The following ADAMTSL1 variants were observed in gnomAD, a reference collection of about 807,000 sequenced individuals.
ADAMTSL1 encodes the protein ADAMTS like 1, also known as ADAMTS-like protein 1.
A neutral mutation model predicts 201.8 loss-of-function variants in ADAMTSL1; 126 were observed. The observed-to-expected ratio is 0.62, with a 90% CI of 0.54 to 0.72. The LOEUF (loss-of-function observed/expected upper bound fraction) is 0.72, where lower values mean the gene tolerates loss of function less well. Ranked by LOEUF, ADAMTSL1 falls within the 30% of genes least tolerant of loss-of-function variation. ADAMTSL1 has a pLI of 0.00. For missense variants in ADAMTSL1, 2,679 were observed against 2,277.8 expected (o/e 1.18, Z -3.59); for synonymous variants, 1,121 against 903.4 (o/e 1.24, Z -4.32).
chr9:18,110,445 C>T (rs750627833), intron 1 of ADAMTSL1, among the ~76,000 whole-genome samples: 62 of 152,256 alleles, frequency 4.1e-4, no homozygotes, highest in Non-Finnish European at 6.9e-4. Flanking sequence ...CTGAAATTAG[C>T]ATTCTCATTC....
intron 2 of ADAMTSL1, among the ~76,000 whole-genome samples, chr9:18,236,752 C>T (rs1330035578): frequency 6.6e-6 from 1 of 152,240 alleles, no homozygotes; most frequent in Non-Finnish European, 1.5e-5. Flanking sequence ...GAAAAATACA[C>T]ATCCCATTAT....
At chr9:18,468,038 A>G (rs753997443) in intron 2 of ADAMTSL1, among the ~76,000 whole-genome samples, 7 of 152,188 alleles carry the variant, frequency 4.6e-5, no homozygotes, top group Non-Finnish European at 8.8e-5. Context: ...GAATATTACA[A>G]CCATAATTCA....
At chr9:18,147,988 G>C (rs1319984829) in intron 1 of ADAMTSL1, among the ~76,000 whole-genome samples, 1 of 152,008 alleles carries the variant, frequency 6.6e-6, no homozygotes, top group African/African-American at 2.4e-5. Flanking sequence ...GGAAAAAAGA[G>C]ACCATATTTA....
intron 2 of ADAMTSL1, among the ~76,000 whole-genome samples, chr9:18,175,857 A>G (rs1486901409): frequency 6.6e-6 from 1 of 151,928 alleles, no homozygotes; most frequent in East Asian, 1.9e-4. Context: ...AGAATCCTTG[A>G]CTCAGGCTGA....
chr9:18,614,810 C>A (rs1825598713), intron 4 of ADAMTSL1, among the ~76,000 whole-genome samples: 1 of 152,172 alleles, frequency 6.6e-6, no homozygotes, highest in Non-Finnish European at 1.5e-5. Flanking sequence ...TCATGTGTTA[C>A]TCCTCCCAAG....
intron 2 of ADAMTSL1, among the ~76,000 whole-genome samples, chr9:18,421,028 G>C (rs535054616): frequency 1.1e-4 from 16 of 152,080 alleles, no homozygotes; most frequent in Admixed American, 2.0e-4. Flanking sequence ...GGGCAGACTG[G>C]GACTGGAACG....
At chr9:18,154,032 C>G (rs750935687) in intron 1 of ADAMTSL1, among the ~76,000 whole-genome samples, 1 of 152,016 alleles carries the variant, frequency 6.6e-6, no homozygotes, top group Non-Finnish European at 1.5e-5. Flanking sequence ...TGCTAAAAGA[C>G]TGTTATTCTT....
intron 3 of ADAMTSL1, among the ~76,000 whole-genome samples, chr9:18,554,046 A>G (rs1308762450): frequency 6.6e-6 from 1 of 151,710 alleles, no homozygotes; most frequent in Non-Finnish European, 1.5e-5. Context: ...TGTATTTTAT[A>G]TAATTTCTTC....
At chr9:18,604,204 A>C (rs1474669023) in intron 4 of ADAMTSL1, among the ~76,000 whole-genome samples, 1 of 152,226 alleles carries the variant, frequency 6.6e-6, no homozygotes, top group African/African-American at 2.4e-5. Context: ...AACATTTCCA[A>C]ATAAGGAAGG....
chr9:18,044,306 A>C (rs1006583572), intron 1 of ADAMTSL1, among the ~76,000 whole-genome samples: 11 of 151,934 alleles, frequency 7.2e-5, no homozygotes, highest in African/African-American at 2.7e-4. Flanking sequence ...GAAAATTAGG[A>C]CTTCACCTGA....
intron 2 of ADAMTSL1, among the ~76,000 whole-genome samples, chr9:18,176,035 G>T (rs1020444215): frequency 7.7e-6 from 1 of 129,062 alleles, no homozygotes; most frequent in South Asian, 2.5e-4. Flanking sequence ...AAAAAAAAAG[G>T]CAAACAAAGG....
intron 13 of ADAMTSL1, among the ~76,000 whole-genome samples, chr9:18,688,704 A>ATATATATCTATATC (rs138160150): frequency 2.8e-5 from 2 of 72,488 alleles, no homozygotes; most frequent in Non-Finnish European, 5.1e-5. Flanking sequence ...ATATATATAT[A>ATATATATCTATATC]TATATGACTG....
intron 14 of ADAMTSL1, among the ~76,000 whole-genome samples, chr9:18,714,109 G>C (rs1181829769): frequency 2.6e-5 from 4 of 152,128 alleles, no homozygotes; most frequent in Non-Finnish European, 5.9e-5. Context: ...AGTGTGTAGA[G>C]GGAAATTTAT....
chr9:18,515,610 C>T (rs1818321216), intron 2 of ADAMTSL1, among the ~76,000 whole-genome samples: 1 of 152,130 alleles, frequency 6.6e-6, no homozygotes, highest in African/African-American at 2.4e-5. Context: ...GCTGGGATTA[C>T]AGGGATGAGC....
At chr9:17,959,956 G>T (rs1280688985) in intron 1 of ADAMTSL1, among the ~76,000 whole-genome samples, 1 of 152,022 alleles carries the variant, frequency 6.6e-6, no homozygotes, top group Non-Finnish European at 1.5e-5. Flanking sequence ...TGAGAGAAAG[G>T]GTGGTGTATT....
intron 1 of ADAMTSL1, among the ~76,000 whole-genome samples, chr9:18,133,124 G>A (rs975476054): frequency 1.2e-4 from 18 of 152,112 alleles, no homozygotes; most frequent in African/African-American, 4.3e-4. Flanking sequence ...GAATTAAGGG[G>A]CTAGGGTTCA....
intron 21 of ADAMTSL1, among the ~76,000 whole-genome samples, chr9:18,821,021 G>T (rs1013359830): frequency 2.6e-5 from 4 of 152,282 alleles, no homozygotes; most frequent in South Asian, 2.1e-4. Flanking sequence ...AGGAGGTGTG[G>T]GTAGGCAGGG....
At chr9:18,072,942 T>G (rs896935721) in intron 1 of ADAMTSL1, among the ~76,000 whole-genome samples, 1 of 152,190 alleles carries the variant, frequency 6.6e-6, no homozygotes, top group South Asian at 2.1e-4. Flanking sequence ...AGGGGAAGGA[T>G]TAAGAATTTT....
intron 1 of ADAMTSL1, among the ~76,000 whole-genome samples, chr9:18,487,266 G>C (rs1489891484): frequency 1.3e-5 from 2 of 152,118 alleles, no homozygotes; most frequent in Non-Finnish European, 2.9e-5. Flanking sequence ...ATCAGGCATT[G>C]GAATCTCGTG....
Sources: allele counts gnomAD v4.1 joint callset (sites outside exome capture counted in the v4.1 genomes callset), GRCh38; gene constraint gnomAD v4.1.1; transcripts MANE v1.5; gene names NCBI Gene and HGNC (gene_info 2026-07-23, HGNC 2026-07-21).